Variants in KIAA2012 observed in about 807,000 individuals in gnomAD.
The protein encoded by KIAA2012 is KIAA2012.
KIAA2012 carries 125 observed loss-of-function variants against 150.6 expected under a neutral mutation model. The observed-to-expected ratio is 0.83, with a 90% CI of 0.72 to 0.96. KIAA2012 has a LOEUF of 0.96. Ranked by LOEUF, KIAA2012 falls within the 40% of genes least tolerant of loss-of-function variation. The probability of loss-of-function intolerance (pLI) is 0.00; values close to 1 mark genes in which losing one functional copy is unlikely to be tolerated. For synonymous variants in KIAA2012, 462 were observed against 504.7 expected (o/e 0.92, Z 1.13); for missense variants, 1,219 against 1,354.9 (o/e 0.90, Z 1.57).
chr2:202,095,903 GT>G (rs955445543), intron 4 of KIAA2012, among the ~76,000 whole-genome samples: 4 of 152,148 alleles, frequency 2.6e-5, no homozygotes, highest in African/African-American at 9.7e-5. Context: ...GGCCAACATG[GT>G]GAAACCCCGT....
rs755211677 is a variant in KIAA2012, at chr2:202,104,403, C to T, written c.1324+1289C>T. Among the ~76,000 whole-genome samples the T allele has an allele frequency of 3.9e-5, 6 of 152,172 alleles. No individual in the cohort carries two copies. The highest frequency in any genetic ancestry group is 8.8e-5 in the Non-Finnish European group (6 of 68,040). ...TTGGCACTGAAAAGATAGTTTGTTACTCACAGTTCCAAGAGGAGGAGGCAC... is the reference window on the plus strand; with the variant it reads ...TTGGCACTGAAAAGATAGTTTGTTATTCACAGTTCCAAGAGGAGGAGGCAC... On this transcript the variant is annotated intron_variant, in intron 8 of 23. Coordinates refer to ENST00000498697, the MANE Select transcript of KIAA2012 (RefSeq NM_001277372.4). The surrounding 1 kb of genome is among the most constrained non-coding windows in gnomAD (Gnocchi z 4.3).
intron 13 of KIAA2012, among the ~76,000 whole-genome samples, chr2:202,149,858 A>C (rs1691386451): frequency 6.6e-6 from 1 of 152,176 alleles, no homozygotes; most frequent in Non-Finnish European, 1.5e-5. Context: ...AGTTGAAAGG[A>C]GGAGGAAAAA....
chr2:202,181,958 A>G (rs915535784), intron 15 of KIAA2012, among the ~76,000 whole-genome samples: 8 of 151,788 alleles, frequency 5.3e-5, no homozygotes, highest in African/African-American at 1.9e-4. Context: ...AATATTCATC[A>G]CTCCCAAAAG....
Position 202,073,536 on chromosome 2 carries a change from G to A in KIAA2012, c.-92G>A. On this transcript the variant is annotated 5_prime_UTR_variant, in exon 1 of 24. Coordinates refer to ENST00000498697, the MANE Select transcript of KIAA2012 (RefSeq NM_001277372.4). Reference sequence around the variant, plus strand: ...CTGTGTTTGTGGTCTTCTTGGGCTTGCTGTGAGCTCTGGAAATCTTGAGGT... The same window carrying A: ...CTGTGTTTGTGGTCTTCTTGGGCTTACTGTGAGCTCTGGAAATCTTGAGGT... The A allele has an allele frequency of 9.0e-7, 1 of 1,115,360 alleles. No individual in the cohort carries two copies. The allele number at this position is 1,115,360 out of a possible 1,614,324, so 69.1% of individuals were successfully genotyped here.
chr2:202,169,958 C>A (rs1018475988), intron 15 of KIAA2012, among the ~76,000 whole-genome samples: 1 of 152,176 alleles, frequency 6.6e-6, no homozygotes, highest in Non-Finnish European at 1.5e-5. Flanking sequence ...CATTCTCATG[C>A]TCTGGCCGTC....
rs189094229 is a variant in KIAA2012, at chr2:202,117,691, C to T, written c.1762+4245C>T. Among the ~76,000 whole-genome samples the T allele has an allele frequency of 5.9e-5, 9 of 152,262 alleles. No individual in the cohort carries two copies. In the East Asian group the frequency reaches 1.7e-3, roughly 29 times the overall value. On this transcript the variant is annotated intron_variant, in intron 11 of 23. Coordinates refer to ENST00000498697, the MANE Select transcript of KIAA2012 (RefSeq NM_001277372.4). ...CCAGTCCTCACAGCACATGTCCCGT[C>T]GAACTCCAATTCCTCAGAAGGTTAA...
In KIAA2012 at chr2:202,187,057, C is replaced by G. The variant is rs1228626650; in HGVS notation, c.2335C>G (p.Pro779Ala). Residue 779 changes from proline (P) to alanine (A), a missense_variant, in exon 17 of 24, where the codon CCA becomes GCA. By Grantham distance (27) the Pro-to-Ala change is conservative. Transcript: ENST00000498697. ...LPREREGKAE[P>A]RLFSQETSAN... Reference sequence around the variant, plus strand: ...AAGAGAAAGAGAAGGGAAGGCTGAACCAAGACTGTTTAGCCAGGAGACATC... The same window carrying G: ...AAGAGAAAGAGAAGGGAAGGCTGAAGCAAGACTGTTTAGCCAGGAGACATC... 6 of 1,550,450 alleles carry G rather than the reference C, an allele frequency of 3.9e-6. No homozygotes were observed. Among genetic ancestry groups the G allele is most frequent in the Non-Finnish European group, 2.6e-6 (3 of 1,147,000 alleles).
chr2:202,101,519 C>T (rs1225368860), intron 7 of KIAA2012, among the ~76,000 whole-genome samples: 1 of 152,234 alleles, frequency 6.6e-6, no homozygotes, highest in East Asian at 1.9e-4. Context: ...TCCCTTCCCT[C>T]AACCCATGTA....
intron 12 of KIAA2012, chr2:202,136,732 T>TC (rs1284442016): frequency 1.3e-5 from 2 of 152,144 alleles, no homozygotes; most frequent in African/African-American, 2.4e-5. Flanking sequence ...CCTCCACACC[T>TC]CCCGGCGAGC....
chr2:202,173,768 CTA>C (rs1408257689), intron 15 of KIAA2012, among the ~76,000 whole-genome samples: 1 of 152,070 alleles, frequency 6.6e-6, no homozygotes, highest in African/African-American at 2.4e-5. Flanking sequence ...ATAATCCACA[CTA>C]AGAGGTTAGT....
In KIAA2012 at chr2:202,113,351, C is replaced by T; in HGVS notation, c.1667C>T (p.Pro556Leu). 2 of 1,550,718 alleles carry T rather than the reference C, an allele frequency of 1.3e-6. No individual in the cohort carries two copies. Among genetic ancestry groups the T allele is most frequent in the Non-Finnish European group, 1.7e-6 (2 of 1,146,930 alleles). Residue 556 changes from proline to leucine, a missense_variant, in exon 11 of 24, where the codon CCT (proline) becomes CTT (leucine). Transcript: ENST00000498697. ...LPAAQEDSSD[P>L]TLGHFLLGPD... is the part of the protein sequence containing the mutation. ...TATTTTCAAGAAGATTCCAGCGACC[C>T]TACACTGGGACACTTCTTGCTGGGT... is the stretch of plus-strand genomic sequence containing the variant.
chr2:202,105,851 C>T lies in KIAA2012; in HGVS notation c.1415C>T (p.Pro472Leu). The T allele has an allele frequency of 6.4e-7, 1 of 1,550,798 alleles. No homozygotes were observed. Among genetic ancestry groups the T allele is most frequent in the Non-Finnish European group, 8.7e-7 (1 of 1,147,036 alleles). ...CTGAAGCATGCGTCCTTAGAAACAC[C>T]ATGGGAGTTAACAGTGCATCTCCCA... is the stretch of plus-strand genomic sequence containing the variant. ...PPLKHASLET[P>L]WELTVHLPVD... Residue 472 changes from proline to leucine, a missense_variant, in exon 9 of 24, where the codon CCA (proline) becomes CTA (leucine). Physicochemically the swap from Pro to Leu is moderately conservative, Grantham distance 98. Transcript: ENST00000498697.
intron 11 of KIAA2012, among the ~76,000 whole-genome samples, chr2:202,120,995 C>G (rs1690641207): frequency 6.6e-6 from 1 of 152,154 alleles, no homozygotes; most frequent in Non-Finnish European, 1.5e-5. Flanking sequence ...CTAGGTATGG[C>G]CATGTGACCA....
intron 2 of KIAA2012, 72 bp downstream of exon 2, chr2:202,075,247 G>T: frequency 6.9e-7 from 1 of 1,452,910 alleles, no homozygotes; most frequent in South Asian, 1.5e-5. Flanking sequence ...GCAGCTTTGG[G>T]AATAATTTCT....
chr2:202,099,604 G>A lies in KIAA2012; in HGVS notation c.829-9G>A, dbSNP rs150791712. On this transcript the variant is annotated splice_polypyrimidine_tract_variant and intron_variant, in intron 5 of 23. Transcript: ENST00000498697. ...CTGTTTACAGGAATGTGTATCTGTC[G>A]TTCCCTAGGACACGTCAATAGAGAA... 368 of 1,543,588 alleles carry A rather than the reference G, an allele frequency of 2.4e-4. 2 individuals are homozygous for A. In the East Asian group the frequency reaches 5.4e-3, roughly 22 times the overall value.
Position 202,193,441 on chromosome 2 carries a change from G to A in KIAA2012, c.2952G>A (p.Glu984=). 4 of 1,550,312 alleles carry A rather than the reference G, an allele frequency of 2.6e-6. No individual in the cohort carries two copies. The highest frequency in any genetic ancestry group is 3.5e-6 in the Non-Finnish European group (4 of 1,146,862). ...EQRQLQQEQL[E]RAKKMEEELE... is the part of the protein sequence containing the mutation. Reference sequence around the variant, plus strand: ...GGCAGCTCCAGCAGGAGCAGCTGGAGAGAGCAAAAAAGATGGAGGAGGAGC... The same window carrying A: ...GGCAGCTCCAGCAGGAGCAGCTGGAAAGAGCAAAAAAGATGGAGGAGGAGC... The change falls in exon 20 of 24, where the codon GAG becomes GAA. Residue 984 remains glutamate (E), a synonymous_variant. Coordinates refer to ENST00000498697, the MANE Select transcript of KIAA2012 (RefSeq NM_001277372.4).
intron 9 of KIAA2012, among the ~76,000 whole-genome samples, chr2:202,107,244 TA>T (rs5837804): frequency 0.77 from 116,474 of 151,428 alleles, 45,107 homozygotes; most frequent in African/African-American, 0.82. Context: ...AAAAAAAAAA[TA>T]AAAAAAGAAT....
chr2:202,164,449 T>C (rs1385168813), intron 14 of KIAA2012, among the ~76,000 whole-genome samples: 2 of 152,134 alleles, frequency 1.3e-5, no homozygotes, highest in Non-Finnish European at 2.9e-5. Flanking sequence ...TTGGTAACCA[T>C]AGTTATGGAG....
chr2:202,189,909 T>C (rs549139198), intron 18 of KIAA2012, among the ~76,000 whole-genome samples: 4 of 151,960 alleles, frequency 2.6e-5, no homozygotes, highest in Non-Finnish European at 4.4e-5. Flanking sequence ...CTGGGCAACA[T>C]GGCAAAACCC....
Sources: allele counts gnomAD v4.1 joint callset (sites outside exome capture counted in the v4.1 genomes callset), GRCh38; gene constraint gnomAD v4.1.1; non-coding constraint Gnocchi (gnomAD v3.1); transcripts MANE v1.5; gene names NCBI Gene and HGNC (gene_info 2026-07-23, HGNC 2026-07-21).